AMD1: variants seen among roughly 807,000 people sequenced by gnomAD.
The protein encoded by AMD1 is S-adenosylmethionine decarboxylase proenzyme.
Under a neutral mutation model 40.2 loss-of-function variants are expected in AMD1, and 11 were observed. That is an observed-to-expected ratio of 0.27 (90% CI 0.17 to 0.45). AMD1 has a LOEUF of 0.45. AMD1 is among the 20% of genes least tolerant of loss of function. AMD1 has a pLI of 1.00. For synonymous variants in AMD1, 121 were observed against 130.8 expected (o/e 0.93, Z 0.51); for missense variants, 257 against 410.2 (o/e 0.63, Z 3.23).
At chr6:110,887,457 A>G in intron 1 of AMD1, 48 bp from the exon 2 acceptor site, 1 of 1,330,668 alleles carries the variant, frequency 7.5e-7, no homozygotes. Flanking sequence ...TTTTATGAGT[A>G]GGTGGGTACT....
the AMD1 span, among the ~76,000 whole-genome samples, chr6:110,818,145 C>T: frequency 6.6e-6 from 1 of 151,970 alleles, no homozygotes; most frequent in African/African-American, 2.4e-5. Flanking sequence ...TTCTGTCGAC[C>T]TAAAAGGAAA....
intron 1 of AMD1, among the ~76,000 whole-genome samples, chr6:110,886,450 C>T (rs529578079): frequency 6.6e-6 from 1 of 152,192 alleles, no homozygotes; most frequent in African/African-American, 2.4e-5. Flanking sequence ...AGATTATAAG[C>T]ACCTGCCACC....
chr6:110,892,551 C>T, intron 6 of AMD1, 108 bp downstream of exon 6: 1 of 1,505,194 alleles, frequency 6.6e-7, no homozygotes, highest in South Asian at 1.2e-5. Context: ...TAGTTTGTTA[C>T]ATAGGTAAAC....
the AMD1 span, among the ~76,000 whole-genome samples, chr6:110,821,205 G>C: frequency 6.6e-6 from 1 of 152,198 alleles, no homozygotes; most frequent in Non-Finnish European, 1.5e-5. Flanking sequence ...GGAGGCAGCA[G>C]CTGGAGGCTG....
upstream of AMD1, among the ~76,000 whole-genome samples, chr6:110,874,315 C>T (rs1784979717): frequency 6.6e-6 from 1 of 152,172 alleles, no homozygotes; most frequent in Admixed American, 6.6e-5. Flanking sequence ...CTTGGGAAAA[C>T]ACACTTTTAA....
At position 110,893,812 on chromosome 6, in the gene AMD1, T is replaced by C; in HGVS notation, c.*196T>C. ...CAAGGAGTTAGATATCTTGCATGAA[T>C]GCTCTCTTCTGTGTTTAGGTATTCT... On this transcript the variant is annotated 3_prime_UTR_variant, in exon 9 of 9. Transcript: ENST00000368885. 1.7e-6 allele frequency: 1 copy of C among 590,236 alleles called. No homozygotes were observed. Among genetic ancestry groups the C allele is most frequent in the Non-Finnish European group, 2.9e-6 (1 of 349,622 alleles). 36.6% of individuals were successfully genotyped at this position (590,236 alleles called of 1,614,324 possible). A position where few individuals can be genotyped will look rare whatever the true frequency, so the allele number is the denominator to read the frequency against.
the AMD1 span, among the ~76,000 whole-genome samples, chr6:110,859,428 G>A: frequency 6.6e-6 from 1 of 152,154 alleles, no homozygotes; most frequent in South Asian, 2.1e-4. Context: ...CAGTGCTGGG[G>A]AGAAGAGACC....
At position 110,875,191 on chromosome 6, in the gene AMD1, C is replaced by G; in HGVS notation, c.86C>G (p.Ser29Cys). Residue 29 changes from serine to cysteine, a missense_variant, in exon 1 of 9, where the codon TCT (serine) becomes TGT (cysteine). Transcript: ENST00000368885. The part of the protein sequence containing the change: ...SRQQPDANQG[S>C]GDLRTIPRSE... ...CAGCAGCCCGACGCAAACCAAGGAT[C>G]TGGGGATCTTCGCACTATCCCAAGG... 1 of 1,612,354 alleles carries G rather than the reference C, an allele frequency of 6.2e-7. No individual in the cohort carries two copies. The highest frequency in any genetic ancestry group is 8.5e-7 in the Non-Finnish European group (1 of 1,179,244).
upstream of AMD1, among the ~76,000 whole-genome samples, chr6:110,874,417 C>G (rs1201534260): frequency 1.3e-5 from 2 of 152,186 alleles, no homozygotes; most frequent in East Asian, 3.8e-4. Flanking sequence ...CGCTGAACCC[C>G]GCCAACACCC....
chr6:110,881,359 C>T (rs1214481266), intron 1 of AMD1, among the ~76,000 whole-genome samples: 1 of 152,090 alleles, frequency 6.6e-6, no homozygotes, highest in East Asian at 1.9e-4. Flanking sequence ...AAAAATGTCT[C>T]CAAATGTTGC....
At chr6:110,853,413 C>A in the AMD1 span, among the ~76,000 whole-genome samples, 3 of 151,660 alleles carry the variant, frequency 2.0e-5, no homozygotes, top group African/African-American at 7.3e-5. Context: ...GTTCAAGCGA[C>A]CCTCCTGCCT....
Position 110,893,670 on chromosome 6 carries a change from A to T in AMD1, c.*54A>T. 7.6e-6 allele frequency: 12 copies of T among 1,587,256 alleles called. No individual in the cohort carries two copies. Among genetic ancestry groups the T allele is most frequent in the Non-Finnish European group, 1.0e-5 (12 of 1,168,962 alleles). Reference sequence around the variant, plus strand: ...AGAGAACACATGTAGAAGGTGGTGGATGCTTTCTAGATGTCGATGCTGGGG... The same window carrying T: ...AGAGAACACATGTAGAAGGTGGTGGTTGCTTTCTAGATGTCGATGCTGGGG... On this transcript the variant is annotated 3_prime_UTR_variant, in exon 9 of 9. Coordinates refer to ENST00000368885, the MANE Select transcript of AMD1 (RefSeq NM_001634.6).
At chr6:110,826,753 G>A in the AMD1 span, among the ~76,000 whole-genome samples, 12 of 148,970 alleles carry the variant, frequency 8.1e-5, no homozygotes, top group African/African-American at 2.7e-4. Context: ...GTGCAGTGGC[G>A]AAATCCCGGC....
At chr6:110,878,595 T>A (rs1785233961) in intron 1 of AMD1, among the ~76,000 whole-genome samples, 1 of 152,152 alleles carries the variant, frequency 6.6e-6, no homozygotes, top group Non-Finnish European at 1.5e-5. Flanking sequence ...TTTTCTCTGA[T>A]TTTTCAGATT....
the AMD1 span, among the ~76,000 whole-genome samples, chr6:110,825,867 G>C: frequency 6.6e-6 from 1 of 152,082 alleles, no homozygotes; most frequent in African/African-American, 2.4e-5. Flanking sequence ...GAGGCAGTGG[G>C]ATTAAAAATC....
At chr6:110,836,601 ATTT>A in the AMD1 span, among the ~76,000 whole-genome samples, 2 of 152,102 alleles carry the variant, frequency 1.3e-5, no homozygotes, top group South Asian at 2.1e-4. Context: ...CTATGCTAAT[ATTT>A]TCTTTCTAAA....
the AMD1 span, among the ~76,000 whole-genome samples, chr6:110,863,622 G>A: frequency 6.6e-5 from 10 of 151,552 alleles, no homozygotes; most frequent in East Asian, 3.9e-4. Context: ...CATCCGCCTC[G>A]GCCTTCCAAA....
intron 4 of AMD1, 107 bp downstream of exon 4, chr6:110,890,463 C>G: frequency 1.3e-6 from 1 of 781,374 alleles, no homozygotes. Flanking sequence ...GCATTCTACA[C>G]ACACTAATAC....
chr6:110,873,838 T>G (rs1784965129), upstream of AMD1, among the ~76,000 whole-genome samples: 1 of 152,234 alleles, frequency 6.6e-6, no homozygotes, highest in South Asian at 2.1e-4. Flanking sequence ...CTTAAGCACA[T>G]GGGAAGATAG....
Sources: gnomAD v4.1 joint callset for allele counts (sites outside exome capture counted in the v4.1 genomes callset) on GRCh38, gnomAD v4.1.1 for gene constraint, MANE v1.5 for transcripts, NCBI Gene and HGNC (gene_info 2026-07-23, HGNC 2026-07-21) for gene names.